DENND2B: variants seen among roughly 807,000 people sequenced by gnomAD.
The protein encoded by DENND2B is DENN domain-containing protein 2B.
A neutral mutation model predicts 116.0 loss-of-function variants in DENND2B; 32 were observed. That is an observed-to-expected ratio of 0.28 (90% CI 0.21 to 0.37). DENND2B has a LOEUF of 0.37. DENND2B is among the 10% of genes least tolerant of loss of function. The pLI, the probability that DENND2B is intolerant of heterozygous loss-of-function variation, is 1.00. For missense variants in DENND2B, 1,276 were observed against 1,477.7 expected (o/e 0.86, Z 2.24); for synonymous variants, 588 against 583.9 (o/e 1.01, Z -0.10).
intron 2 of DENND2B, among the ~76,000 whole-genome samples, chr11:8,859,290 G>T (rs200479102): frequency 2.2e-5 from 3 of 136,860 alleles, no homozygotes; most frequent in African/African-American, 8.3e-5. Flanking sequence ...ACACTAACGT[G>T]TTTTTTTGTT....
intron 4 of DENND2B, among the ~76,000 whole-genome samples, chr11:8,834,677 A>G (rs1424743283): frequency 6.6e-6 from 1 of 152,208 alleles, no homozygotes; most frequent in African/African-American, 2.4e-5. Flanking sequence ...CTCTTCATGC[A>G]ATGGGAACAG....
At chr11:8,905,265 CAA>C (rs2064221656) in intron 1 of DENND2B, among the ~76,000 whole-genome samples, 1 of 152,012 alleles carries the variant, frequency 6.6e-6, no homozygotes, top group Admixed American at 6.6e-5. Context: ...TGATTTTTGA[CAA>C]AGTTGCCAAG....
At chr11:8,743,849 C>T (rs572091029) in intron 2 of DENND2B, among the ~76,000 whole-genome samples, 23 of 151,418 alleles carry the variant, frequency 1.5e-4, no homozygotes, top group East Asian at 9.8e-4. Context: ...CAGGCTCAAG[C>T]GATCCTCCCA....
At chr11:8,696,280 T>G in intron 18 of DENND2B, 147 bp downstream of exon 18, 4 of 1,231,904 alleles carry the variant, frequency 3.2e-6, no homozygotes, top group Non-Finnish European at 4.5e-6. Flanking sequence ...AGGAGAAGAA[T>G]GCTACCTTGA....
chr11:8,889,355 G>C (rs891309441), intron 1 of DENND2B, among the ~76,000 whole-genome samples: 1 of 152,224 alleles, frequency 6.6e-6, no homozygotes, highest in Non-Finnish European at 1.5e-5. Flanking sequence ...TTCCAACTGA[G>C]GTACCGGGTT....
At chr11:8,755,689 T>C (rs1371167167) in intron 1 of DENND2B, among the ~76,000 whole-genome samples, 1 of 152,236 alleles carries the variant, frequency 6.6e-6, no homozygotes. Context: ...GGTTTCTTTA[T>C]GTTGCCCAGG....
At chr11:8,731,823 T>C (rs2048177193) in intron 2 of DENND2B, among the ~76,000 whole-genome samples, 1 of 152,198 alleles carries the variant, frequency 6.6e-6, no homozygotes, top group Non-Finnish European at 1.5e-5. Flanking sequence ...GAGCTACCAA[T>C]GTGACGTCAC....
chr11:8,833,911 TA>T (rs149821711), intron 4 of DENND2B, among the ~76,000 whole-genome samples: 2 of 152,070 alleles, frequency 1.3e-5, no homozygotes, highest in African/African-American at 4.8e-5. Flanking sequence ...GAAGCAAAGG[TA>T]AAAAGTTGGC....
intron 4 of DENND2B, chr11:8,832,626 C>T (rs1176767055): frequency 6.6e-6 from 1 of 152,536 alleles, no homozygotes; most frequent in Non-Finnish European, 1.5e-5. Flanking sequence ...AGCCACACCC[C>T]ACACAGCCCC....
chr11:8,902,574 C>T (rs1047709592), intron 1 of DENND2B, among the ~76,000 whole-genome samples: 5 of 152,144 alleles, frequency 3.3e-5, no homozygotes, highest in Admixed American at 6.6e-5. Context: ...AATACATTTA[C>T]TTCAGCAATC....
At chr11:8,841,419 G>T (rs746665931) in intron 3 of DENND2B, among the ~76,000 whole-genome samples, 2 of 152,118 alleles carry the variant, frequency 1.3e-5, no homozygotes, top group African/African-American at 4.8e-5. Context: ...TTGGAGGATC[G>T]CTTGAGCTCA....
intron 1 of DENND2B, among the ~76,000 whole-genome samples, chr11:8,751,011 G>C (rs1162380900): frequency 1.3e-5 from 2 of 152,114 alleles, no homozygotes; most frequent in African/African-American, 4.8e-5. Context: ...CCTATGTCTA[G>C]CTCAGGGTTT....
chr11:8,718,102 C>CCACCCCCA, intron 4 of DENND2B: 1 of 276,006 alleles, frequency 3.6e-6, no homozygotes, highest in Non-Finnish European at 6.8e-6. Context: ...ACCCACCCCC[C>CCACCCCCA]CACCCCCCCC....
intron 4 of DENND2B, chr11:8,718,456 G>A: frequency 2.0e-6 from 3 of 1,511,854 alleles, no homozygotes; most frequent in South Asian, 1.2e-5. Flanking sequence ...AGTCTTTTAG[G>A]GCAGGGTTTT....
chr11:8,737,602 C>A (rs2049294499), intron 2 of DENND2B, among the ~76,000 whole-genome samples: 1 of 152,136 alleles, frequency 6.6e-6, no homozygotes, highest in East Asian at 1.9e-4. Flanking sequence ...AAAAAAGGAA[C>A]AAAGAAATGG....
At chr11:8,698,831 C>A in intron 16 of DENND2B, 102 bp downstream of exon 16, 1 of 1,411,684 alleles carries the variant, frequency 7.1e-7, no homozygotes, top group Non-Finnish European at 1.0e-6. Flanking sequence ...TAGTACTGAA[C>A]CCAGAGAGAG....
rs745976910 is a variant in DENND2B at position 8,730,815 on chromosome 11, C to T, written c.475G>A (p.Ala159Thr). The T allele has an allele frequency of 1.5e-5, 24 of 1,612,994 alleles. No individual in the cohort carries two copies. In the South Asian group the frequency reaches 2.1e-4, roughly 14 times the overall value. ...TTCTCCCGGATGCCCAGGCTGTGGG[C>T]GCGGGTACCGGTACGGGTCAGCAAG... ...GVLLTRTGTR[A>T]HSLGIREKIS... Residue 159 changes from alanine to threonine, a missense_variant, in exon 3 of 20, where the codon GCC becomes ACC. By Grantham distance (58) the Ala-to-Thr change is moderately conservative. Transcript: ENST00000313726. This position sits in a 1 kb window ranked among gnomAD's most constrained non-coding sequence, Gnocchi z 4.1.
At chr11:8,764,471 A>G (rs1356162927) in intron 1 of DENND2B, among the ~76,000 whole-genome samples, 1 of 152,178 alleles carries the variant, frequency 6.6e-6, no homozygotes, top group Non-Finnish European at 1.5e-5. Context: ...TCTCCATTTT[A>G]TGGATGAAGA....
intron 1 of DENND2B, among the ~76,000 whole-genome samples, chr11:8,888,823 AC>A (rs1379346212): frequency 6.6e-6 from 1 of 152,242 alleles, no homozygotes; most frequent in Admixed American, 6.5e-5. Context: ...AAGATGCTCA[AC>A]ATCACTAATC....
Sources: gnomAD v4.1 joint callset for allele counts (sites outside exome capture counted in the v4.1 genomes callset) on GRCh38, gnomAD v4.1.1 for gene constraint, Gnocchi (gnomAD v3.1) non-coding constraint, MANE v1.5 for transcripts, NCBI Gene and HGNC (gene_info 2026-07-23, HGNC 2026-07-21) for gene names.